The following RTP1 variants were observed in gnomAD, a reference collection of about 807,000 sequenced individuals.
RTP1 encodes receptor transporter protein 1.
Under a neutral mutation model 27.1 loss-of-function variants are expected in RTP1, and 24 were observed. The observed-to-expected ratio is 0.89, with a 90% CI of 0.64 to 1.25. The LOEUF is 1.25. RTP1 is among the 50% of genes most tolerant of loss of function. RTP1 has a pLI of 0.00. For missense variants in RTP1, 338 were observed against 351.6 expected (o/e 0.96, Z 0.31); for synonymous variants, 148 against 148.1 (o/e 1.00, Z 0.00).
rs144646377 is a variant in RTP1, at chr3:187,199,875, G to T, written c.597G>T (p.Val199=). 43 of 1,595,666 alleles carry T rather than the reference G, an allele frequency of 2.7e-5. No individual in the cohort carries two copies. The highest frequency in any genetic ancestry group is 3.3e-5 in the Non-Finnish European group (39 of 1,166,584). ...GCGAGGCCTGCCAGGAGGGCATCGT[G>T]CACTGGAAGCCCAGCGAGAAGCTGC... The part of the protein sequence containing the change: ...EFCEACQEGI[V]HWKPSEKLLE... The change falls in exon 2 of 2, where the codon GTG becomes GTT. Residue 199 remains valine (V), a synonymous_variant. Transcript: ENST00000312295.
At position 187,201,006 on chromosome 3, in the gene RTP1, T is replaced by C. The variant is rs1579442763; in HGVS notation, c.*936T>C. ...TTCTCAGCAGTGCTGATGGCCAGAATTCAGGAGCAGGGGCCTGGCCTCCTG... is the reference window on the plus strand; with the variant it reads ...TTCTCAGCAGTGCTGATGGCCAGAACTCAGGAGCAGGGGCCTGGCCTCCTG... On this transcript the variant is annotated 3_prime_UTR_variant, in exon 2 of 2. Coordinates refer to ENST00000312295, the MANE Select transcript of RTP1 (RefSeq NM_153708.3). 6.6e-6 allele frequency: 1 copy of C among 152,166 alleles called. No individual in the cohort carries two copies. Among genetic ancestry groups the C allele is most frequent in the Non-Finnish European group, 1.5e-5 (1 of 68,028 alleles). 9.4% of individuals were successfully genotyped at this position (152,166 alleles called of 1,614,324 possible). A position where few individuals can be genotyped will look rare whatever the true frequency, so the allele number is the denominator to read the frequency against.
Position 187,197,750 on chromosome 3 carries a change from G to C in RTP1, c.235G>C (p.Gly79Arg). The C allele has an allele frequency of 6.2e-7, 1 of 1,613,932 alleles. No individual in the cohort carries two copies. Among genetic ancestry groups the C allele is most frequent in the East Asian group, 2.2e-5 (1 of 44,898 alleles). Residue 79 changes from glycine to arginine, a missense_variant, in exon 1 of 2, where the codon GGT becomes CGT. By Grantham distance (125) the Gly-to-Arg change is moderately radical. Transcript: ENST00000312295. The stretch of plus-strand genomic sequence containing the variant: ...CCTCAAGCACAATGTGCTGAGCCCT[G>C]GTTGGAAGCAGTACCTGGAATTGCA... ...PNLKHNVLSP[G>R]WKQYLELHAS...
In RTP1 at chr3:187,199,743, C is replaced by T. The variant is rs759476914; in HGVS notation, c.465C>T (p.Asp155=). The change falls in exon 2 of 2, where the codon GAC becomes GAT. Residue 155 remains aspartate (D), a synonymous_variant. Transcript: ENST00000312295. ...AGGAGAACATCGAGGGCCTGGTGGA[C>T]AACCTCATCACCAGCCTGCGCGAGC... is the stretch of plus-strand genomic sequence containing the variant. The part of the protein sequence containing the change: ...MLEENIEGLV[D]NLITSLREQC... 6 of 1,613,454 alleles carry T rather than the reference C, an allele frequency of 3.7e-6. No homozygotes were observed. In the African/African-American group the frequency reaches 8.0e-5, roughly 22 times the overall value.
At chr3:187,198,199 ATT>A (rs909366993) in intron 1 of RTP1, among the ~76,000 whole-genome samples, 13 of 152,240 alleles carry the variant, frequency 8.5e-5, no homozygotes, top group African/African-American at 3.1e-4. Context: ...GTTTAAATCT[ATT>A]TAACTCAACT....
Position 187,199,722 on chromosome 3 carries a change from G to T in RTP1, c.444G>T (p.Glu148Asp). Residue 148 changes from glutamate to aspartate, a missense_variant, in exon 2 of 2, where the codon GAG becomes GAT. By Grantham distance (45) the Glu-to-Asp change is conservative. Transcript: ENST00000312295. ...TGGACGAGTCCAGCATGCTGGAGGA[G>T]AACATCGAGGGCCTGGTGGACAACC... ...ARLDESSMLEENIEGLVDNLI... is the reference protein window; with the variant it reads ...ARLDESSMLEDNIEGLVDNLI... 1 of 1,613,444 alleles carries T rather than the reference G, an allele frequency of 6.2e-7. No homozygotes were observed. The highest frequency in any genetic ancestry group is 1.6e-4 in the Middle Eastern group (1 of 6,062).
In RTP1 at chr3:187,199,803, C is replaced by A. The variant is rs145443912; in HGVS notation, c.525C>A (p.Ile175=). Residue 175 remains isoleucine, a synonymous_variant, in exon 2 of 2, where the codon ATC becomes ATA. Transcript: ENST00000312295. ...GCGAGCGTGGCGGCCAGTACCGCATCCACGTGGCCAGCCGCCAGGACAACC... is the reference window on the plus strand; with the variant it reads ...GCGAGCGTGGCGGCCAGTACCGCATACACGTGGCCAGCCGCCAGGACAACC... The part of the protein sequence containing the change: ...CYGERGGQYR[I]HVASRQDNRR... The A allele has an allele frequency of 8.4e-5, 135 of 1,610,178 alleles. No homozygotes were observed. In the African/African-American group the frequency reaches 1.5e-3, roughly 18 times the overall value.
At position 187,199,779 on chromosome 3, in the gene RTP1, C is replaced by G. The variant is rs189472632; in HGVS notation, c.501C>G (p.Gly167=). 96 of 1,613,138 alleles carry G rather than the reference C, an allele frequency of 6.0e-5. No individual in the cohort carries two copies. Among genetic ancestry groups the G allele is most frequent in the Middle Eastern group, 1.6e-4 (1 of 6,084 alleles). ...CCAGCCTGCGCGAGCAGTGCTACGG[C>G]GAGCGTGGCGGCCAGTACCGCATCC... ...LITSLREQCY[G]ERGGQYRIHV... Residue 167 remains glycine (G), a synonymous_variant, in exon 2 of 2, where the codon GGC becomes GGG. Transcript: ENST00000312295.
At position 187,197,606 on chromosome 3, in the gene RTP1, C is replaced by T. The variant is rs781256726; in HGVS notation, c.91C>T (p.Leu31Phe). The T allele has an allele frequency of 1.2e-5, 19 of 1,614,186 alleles. No homozygotes were observed. The highest frequency in any genetic ancestry group is 1.4e-5 in the Non-Finnish European group (17 of 1,180,030). ...VFSLRWKLPS[L>F]TTDETMCKSV... ...CTCACTAAGGTGGAAATTGCCTTCC[C>T]TCACTACTGACGAGACCATGTGTAA... Residue 31 changes from leucine (L) to phenylalanine (F), a missense_variant, in exon 1 of 2, where the codon CTC (leucine) becomes TTC (phenylalanine). Coordinates refer to ENST00000312295, the MANE Select transcript of RTP1 (RefSeq NM_153708.3).
Position 187,200,189 on chromosome 3 carries a change from T to C in RTP1, c.*119T>C. The C allele has an allele frequency of 1.2e-6, 1 of 825,136 alleles. No homozygotes were observed. Among genetic ancestry groups the C allele is most frequent in the East Asian group, 2.7e-5 (1 of 36,580 alleles). 51.1% of individuals were successfully genotyped at this position (825,136 alleles called of 1,614,324 possible). ...AGCGCTGGTGATGTCACTGACTCAG[T>C]GGGGATCTTGGACAAATTATACAGT... On this transcript the variant is annotated 3_prime_UTR_variant, in exon 2 of 2. Coordinates refer to ENST00000312295, the MANE Select transcript of RTP1 (RefSeq NM_153708.3).
Position 187,200,056 on chromosome 3 carries a change from C to T in RTP1, c.778C>T (p.Arg260Cys), listed in dbSNP as rs1344284384. 2.6e-6 allele frequency: 4 copies of T among 1,512,736 alleles called. No individual in the cohort carries two copies. The highest frequency in any genetic ancestry group is 3.5e-6 in the Non-Finnish European group (4 of 1,129,568). The allele number at this position is 1,512,736 out of a possible 1,614,324, so 93.7% of individuals were successfully genotyped here. ...LLIIYLQFSFRSSV is the reference protein window; with the variant it reads ...LLIIYLQFSFCSSV ...GATCATCTACCTGCAGTTCTCTTTC[C>T]GTAGCTCCGTATAAGATTCCGTGGT... The change falls in exon 2 of 2, where the codon CGT becomes TGT. Residue 260 changes from arginine to cysteine, a missense_variant. Arg to Cys is a radical substitution (Grantham distance 180). Transcript: ENST00000312295.
Position 187,199,633 on chromosome 3 carries a change from C to A in RTP1, c.355C>A (p.Arg119=), listed in dbSNP as rs201173050. The change falls in exon 2 of 2, where the codon CGG becomes AGG. Residue 119 remains arginine, a synonymous_variant. Transcript: ENST00000312295. ...LFHMFLDRAQ[R]AGSVRMRVFK... is the part of the protein sequence containing the mutation. The stretch of plus-strand genomic sequence containing the variant: ...CCACATGTTCCTGGACCGCGCCCAG[C>A]GGGCGGGCTCGGTGCGCATGCGCGT... 6.2e-6 allele frequency: 10 copies of A among 1,608,752 alleles called. No homozygotes were observed. Among genetic ancestry groups the A allele is most frequent in the Admixed American group, 1.7e-5 (1 of 59,918 alleles).
At position 187,197,845 on chromosome 3, in the gene RTP1, G is replaced by C. The variant is rs74861372; in HGVS notation, c.272+58G>C. On this transcript the variant is annotated intron_variant, in intron 1 of 1. Coordinates refer to ENST00000312295, the MANE Select transcript of RTP1 (RefSeq NM_153708.3). ...CCGCCTCTAGGTCCCTAGCTCTGGGGCACCTTCCAAGGAGAGGAAGATTAC... is the reference window on the plus strand; with the variant it reads ...CCGCCTCTAGGTCCCTAGCTCTGGGCCACCTTCCAAGGAGAGGAAGATTAC... The C allele has an allele frequency of 1.4e-3, 2,168 of 1,539,906 alleles. 24 individuals carry two copies. The African/African-American group carries it at 0.024, about 17-fold the overall frequency.
At position 187,197,650 on chromosome 3, in the gene RTP1, GTGGAAGAAAGTCTTCTA is replaced by G; in HGVS notation, c.138_154del (p.Trp46Ter). 6.2e-7 allele frequency: 1 copy of G among 1,614,244 alleles called. No homozygotes were observed. Among genetic ancestry groups the G allele is most frequent in the Non-Finnish European group, 8.5e-7 (1 of 1,180,048 alleles). On this transcript the variant is annotated frameshift_variant, in exon 1 of 2. Transcript: ENST00000312295. LOFTEE classifies it high-confidence loss of function. ...TGTGTAAAAGCGTGACCACAGATGA[GTGGAAGAAAGTCTTCTA>G]TGAGAAGATGGAGGAGGCAAAGCCG... is the stretch of plus-strand genomic sequence containing the variant.
In RTP1 at chr3:187,199,207, G is replaced by C. The variant is rs544212894; in HGVS notation, c.273-344G>C. The C allele has an allele frequency of 1.7e-5, 5 of 296,796 alleles. 1 individual carries two copies. The South Asian group carries it at 5.4e-4, about 32-fold the overall frequency. The allele number at this position is 296,796 out of a possible 1,614,324, so 18.4% of individuals were successfully genotyped here. A position where few individuals can be genotyped will look rare whatever the true frequency, so the allele number is the denominator to read the frequency against. Reference sequence around the variant, plus strand: ...AGATGGATTATGTGTTTCTTATCTGGTGTGAGAAGGAAGGACTCACCTAGT... The same window carrying C: ...AGATGGATTATGTGTTTCTTATCTGCTGTGAGAAGGAAGGACTCACCTAGT... On this transcript the variant is annotated intron_variant, in intron 1 of 1. Coordinates refer to ENST00000312295, the MANE Select transcript of RTP1 (RefSeq NM_153708.3).
In RTP1 at chr3:187,201,221, C is replaced by G. The variant is rs1419844395; in HGVS notation, c.*1151C>G. On this transcript the variant is annotated 3_prime_UTR_variant, in exon 2 of 2. Coordinates refer to ENST00000312295, the MANE Select transcript of RTP1 (RefSeq NM_153708.3). ...ATATGTGGGAGAACCTTACAAGGCT[C>G]TAAAATGAGATGTGATATGGCTTGA... The G allele has an allele frequency of 6.6e-6, 1 of 152,174 alleles. No individual in the cohort carries two copies. Among genetic ancestry groups the G allele is most frequent in the African/African-American group, 2.4e-5 (1 of 41,424 alleles). 9.4% of individuals were successfully genotyped at this position (152,174 alleles called of 1,614,324 possible). A position where few individuals can be genotyped will look rare whatever the true frequency, so the allele number is the denominator to read the frequency against.
intron 1 of RTP1, chr3:187,198,540 G>A (rs1344403559): frequency 6.6e-6 from 1 of 152,242 alleles, no homozygotes; most frequent in Admixed American, 6.5e-5. Context: ...TGAGACATAA[G>A]ATGGGGAGGC....
chr3:187,199,448 C>T, intron 1 of RTP1, 103 bp from the exon 2 acceptor site: 2 of 1,325,734 alleles, frequency 1.5e-6, no homozygotes, highest in Non-Finnish European at 2.1e-6. Context: ...CTTCCTCCAC[C>T]TCCAGGCTCT....
Position 187,197,659 on chromosome 3 carries a change from A to C in RTP1, c.144A>C (p.Lys48Asn), listed in dbSNP as rs1721627410. 2 of 1,614,078 alleles carry C rather than the reference A, an allele frequency of 1.2e-6. No individual in the cohort carries two copies. The highest frequency in any genetic ancestry group is 1.7e-6 in the Non-Finnish European group (2 of 1,180,044). Residue 48 changes from lysine to asparagine, a missense_variant, in exon 1 of 2, where the codon AAA (lysine) becomes AAC (asparagine). Coordinates refer to ENST00000312295, the MANE Select transcript of RTP1 (RefSeq NM_153708.3). ...GCGTGACCACAGATGAGTGGAAGAA[A>C]GTCTTCTATGAGAAGATGGAGGAGG... is the stretch of plus-strand genomic sequence containing the variant. ...CKSVTTDEWK[K>N]VFYEKMEEAK...
At position 187,197,776 on chromosome 3, in the gene RTP1, T is replaced by C. The variant is rs929592721; in HGVS notation, c.261T>C (p.His87=). 8 of 1,612,766 alleles carry C rather than the reference T, an allele frequency of 5.0e-6. No individual in the cohort carries two copies. Among genetic ancestry groups the C allele is most frequent in the Non-Finnish European group, 5.9e-6 (7 of 1,178,796 alleles). ...SPGWKQYLEL[H]ASGRFHCSWC... The stretch of plus-strand genomic sequence containing the variant: ...GTTGGAAGCAGTACCTGGAATTGCA[T>C]GCTTCAGGCAGGTGAGTAGCCCAGG... The change falls in exon 1 of 2, where the codon CAT becomes CAC. Residue 87 remains histidine, a synonymous_variant. Transcript: ENST00000312295.
Sources: allele counts gnomAD v4.1 joint callset (sites outside exome capture counted in the v4.1 genomes callset), GRCh38; gene constraint gnomAD v4.1.1; transcripts MANE v1.5; gene names NCBI Gene and HGNC (gene_info 2026-07-23, HGNC 2026-07-21).